The following DOCK6 variants were observed in gnomAD, a reference collection of about 807,000 sequenced individuals.
The protein encoded by DOCK6 is dedicator of cytokinesis protein 6.
Under a neutral mutation model 230.3 loss-of-function variants are expected in DOCK6, and 167 were observed. The ratio of observed to expected loss-of-function variants is 0.73; its 90% CI spans 0.64 to 0.82. DOCK6 has a LOEUF of 0.82. Ranked by LOEUF, DOCK6 falls within the 40% of genes least tolerant of loss-of-function variation. The probability of loss-of-function intolerance (pLI) is 0.00; values close to 1 mark genes in which losing one functional copy is unlikely to be tolerated. For synonymous variants in DOCK6, 1,148 were observed against 1,185.0 expected (o/e 0.97, Z 0.64); for missense variants, 2,598 against 2,825.8 (o/e 0.92, Z 1.83).
At chr19:11,235,429 T>C (rs2147824329) in intron 21 of DOCK6, among the ~76,000 whole-genome samples, 169 bp downstream of exon 21, 1 of 152,248 alleles carries the variant, frequency 6.6e-6, no homozygotes, top group East Asian at 1.9e-4. Context: ...TTTTGTATTT[T>C]TAGTAGAGAC....
At chr19:11,203,081 G>A (rs1014217697) in intron 41 of DOCK6, among the ~76,000 whole-genome samples, 2 of 152,138 alleles carry the variant, frequency 1.3e-5, no homozygotes, top group African/African-American at 4.8e-5. Context: ...TATACAGTAG[G>A]TACCCCATAA....
At chr19:11,242,971 G>A (rs1434255748) in intron 13 of DOCK6, 88 bp downstream of exon 13, 2 of 1,477,450 alleles carry the variant, frequency 1.4e-6, no homozygotes, top group African/African-American at 1.4e-5. Context: ...GGTCTCTGAT[G>A]CCCCTGGCAC....
chr19:11,229,955 G>A (rs1297152163), intron 22 of DOCK6, among the ~76,000 whole-genome samples: 1 of 149,362 alleles, frequency 6.7e-6, no homozygotes, highest in Non-Finnish European at 1.5e-5. Flanking sequence ...AAAGCAGGAG[G>A]ATTGCTTGAC....
rs1269803988 is a variant in DOCK6, at chr19:11,243,837, G to T, written c.1069C>A (p.Pro357Thr). The T allele has an allele frequency of 6.2e-7, 1 of 1,613,032 alleles. No homozygotes were observed. Among genetic ancestry groups the T allele is most frequent in the Non-Finnish European group, 8.5e-7 (1 of 1,179,532 alleles). ...QQGDISECCE[P>T]YMVLKEVDTA... ...TCCACTTCTTTCAACACCATGTAAG[G>T]CTCACAGCACTCACTGATGTCCCCT... The change falls in exon 10 of 48, where the codon CCT (proline) becomes ACT (threonine). Residue 357 changes from proline to threonine, a missense_variant. By Grantham distance (38) the Pro-to-Thr change is conservative (BLOSUM62 -1). Transcript: ENST00000294618. The surrounding 1 kb of genome is among the most constrained non-coding windows in gnomAD (Gnocchi z 6.3).
In DOCK6 at chr19:11,262,518, G is replaced by A; in HGVS notation, c.-78C>T. The A allele has an allele frequency of 1.1e-6, 1 of 918,326 alleles. No individual in the cohort carries two copies. Among genetic ancestry groups the A allele is most frequent in the African/African-American group, 1.8e-5 (1 of 55,630 alleles). The allele number at this position is 918,326 out of a possible 1,614,324, so 56.9% of individuals were successfully genotyped here. ...CGCCTCCCGGTTCTGGGCAGCCGGG[G>A]CGGGGCGGGGCCGGCGCGGGGGCGG... is the stretch of plus-strand genomic sequence containing the variant. On this transcript the variant is annotated 5_prime_UTR_variant, in exon 1 of 48. Transcript: ENST00000294618.
chr19:11,245,534 C>T, intron 9 of DOCK6, 29 bp downstream of exon 9: 1 of 1,544,608 alleles, frequency 6.5e-7, no homozygotes, highest in African/African-American at 1.4e-5. Flanking sequence ...TTCGCCATTA[C>T]CACCCCCTTG....
chr19:11,241,034 C>G (rs2079935290), intron 14 of DOCK6, among the ~76,000 whole-genome samples: 1 of 151,748 alleles, frequency 6.6e-6, no homozygotes, highest in African/African-American at 2.4e-5. Context: ...CACTTAAGGT[C>G]AGGAGTTCGA....
intron 14 of DOCK6, among the ~76,000 whole-genome samples, chr19:11,241,160 C>T (rs968297402): frequency 3.4e-4 from 51 of 151,632 alleles, no homozygotes; most frequent in African/African-American, 1.1e-3. Flanking sequence ...GTAGGAGAAT[C>T]GCTTGAACCT....
intron 7 of DOCK6, 65 bp from the exon 8 acceptor site, chr19:11,245,943 C>G (rs2080026252): frequency 6.5e-7 from 1 of 1,534,660 alleles, no homozygotes; most frequent in Non-Finnish European, 8.8e-7. Flanking sequence ...ACCCCACTCC[C>G]TCTTGAGGCC....
At position 11,262,471 on chromosome 19, in the gene DOCK6, G is replaced by A; in HGVS notation, c.-31C>T. 1.8e-6 allele frequency: 2 copies of A among 1,138,556 alleles called. No individual in the cohort carries two copies. The highest frequency in any genetic ancestry group is 2.2e-6 in the Non-Finnish European group (2 of 929,542). The allele number at this position is 1,138,556 out of a possible 1,614,324, so 70.5% of individuals were successfully genotyped here. On this transcript the variant is annotated 5_prime_UTR_variant, in exon 1 of 48. Coordinates refer to ENST00000294618, the MANE Select transcript of DOCK6 (RefSeq NM_020812.4). ...TCGCGTCCCGCCGCCGCCGCCCCGG[G>A]CCCCGGCCCCGCCGCCGCCGCCGCC...
Position 11,212,043 on chromosome 19 carries a change from T to C in DOCK6, c.4600A>G (p.Thr1534Ala). ...HLRRSLKTIL[T>A]YAEEDMGLRD... ...AGCCCCATGTCCTCCTCAGCATAGG[T>C]GAGGATGGTTTTGAGTGAACGTCGC... The change falls in exon 36 of 48, where the codon ACC becomes GCC. Residue 1534 changes from threonine (T) to alanine (A), a missense_variant. Transcript: ENST00000294618. 6.2e-7 allele frequency: 1 copy of C among 1,609,912 alleles called. No individual in the cohort carries two copies. The highest frequency in any genetic ancestry group is 1.3e-5 in the African/African-American group (1 of 74,848).
At chr19:11,262,298 G>C in intron 1 of DOCK6, 99 bp downstream of exon 1, 1 of 793,794 alleles carries the variant, frequency 1.3e-6, no homozygotes, top group Non-Finnish European at 1.6e-6. Context: ...AGGCGGAAAG[G>C]GGTTGAATTG....
Position 11,201,919 on chromosome 19 carries a change from C to T in DOCK6, c.5658G>A (p.Lys1886=), listed in dbSNP as rs1014330241. 1.3e-6 allele frequency: 2 copies of T among 1,553,066 alleles called. No individual in the cohort carries two copies. The highest frequency in any genetic ancestry group is 1.7e-6 in the Non-Finnish European group (2 of 1,146,798). ...CCCGGTGGCACACACGGATGCGAGTCTTGATGTAGGGGAAGGCGTGGTCGG... is the reference window on the plus strand; with the variant it reads ...CCCGGTGGCACACACGGATGCGAGTTTTGATGTAGGGGAAGGCGTGGTCGG... ...LSTDHAFPYI[K]TRIRVCHREE... Residue 1886 remains lysine, a synonymous_variant, in exon 44 of 48, where the codon AAG becomes AAA. Coordinates refer to ENST00000294618, the MANE Select transcript of DOCK6 (RefSeq NM_020812.4). The surrounding 1 kb of genome is among the most constrained non-coding windows in gnomAD (Gnocchi z 4.3).
intron 9 of DOCK6, among the ~76,000 whole-genome samples, chr19:11,244,341 T>A (rs370793540): frequency 3.3e-5 from 5 of 150,560 alleles, no homozygotes; most frequent in East Asian, 3.9e-4. Flanking sequence ...CAGGCTGAAG[T>A]GCGTGATGGG....
In DOCK6 at chr19:11,200,246, T is replaced by C; in HGVS notation, c.6101+62A>G. On this transcript the variant is annotated intron_variant, in intron 47 of 47. Coordinates refer to ENST00000294618, the MANE Select transcript of DOCK6 (RefSeq NM_020812.4). The surrounding 1 kb of genome is among the most constrained non-coding windows in gnomAD (Gnocchi z 4.3). Reference sequence around the variant, plus strand: ...TGTACAACAGCCCCCATCCTGTACCTGTCCTGGTCTGCCTCTGCATCCCCT... The same window carrying C: ...TGTACAACAGCCCCCATCCTGTACCCGTCCTGGTCTGCCTCTGCATCCCCT... 1 of 1,505,350 alleles carries C rather than the reference T, an allele frequency of 6.6e-7. No homozygotes were observed. Among genetic ancestry groups the C allele is most frequent in the South Asian group, 1.3e-5 (1 of 78,646 alleles). 93.2% of individuals were successfully genotyped at this position (1,505,350 alleles called of 1,614,324 possible).
In DOCK6 at chr19:11,238,285, G is replaced by A. The variant is rs1162335812; in HGVS notation, c.1663C>T (p.Pro555Ser). ...CGGCTGCTGAAGTTGAGGCTGTGCG[G>A]GTACACGTACAGCAGGTTCCTGTGG... is the stretch of plus-strand genomic sequence containing the variant. ...TSYRNLLYVY[P>S]HSLNFSSRQG... is the part of the protein sequence containing the mutation. The change falls in exon 15 of 48, where the codon CCG (proline) becomes TCG (serine). Residue 555 changes from proline (P) to serine (S), a missense_variant. By Grantham distance (74) the Pro-to-Ser change is moderately conservative. Coordinates refer to ENST00000294618, the MANE Select transcript of DOCK6 (RefSeq NM_020812.4). 1.2e-6 allele frequency: 2 copies of A among 1,610,764 alleles called. No homozygotes were observed. The highest frequency in any genetic ancestry group is 1.7e-6 in the Non-Finnish European group (2 of 1,178,678).
At chr19:11,209,455 TCCCCTCACCTGTCCAC>T (rs1003253651) in intron 37 of DOCK6, among the ~76,000 whole-genome samples, 12 of 151,220 alleles carry the variant, frequency 7.9e-5, no homozygotes, top group African/African-American at 2.7e-4. Context: ...CACCTGTCTA[TCCCCTCACCTGTCCAC>T]CCCCTCACCT....
At chr19:11,217,745 G>A (rs1324603499) in intron 28 of DOCK6, among the ~76,000 whole-genome samples, 37 of 139,580 alleles carry the variant, frequency 2.7e-4, no homozygotes, top group East Asian at 1.5e-3. Context: ...GCAACAGAGC[G>A]ACACTCTGTC....
At chr19:11,244,577 C>T (rs2080003848) in intron 9 of DOCK6, among the ~76,000 whole-genome samples, 1 of 151,114 alleles carries the variant, frequency 6.6e-6, no homozygotes, top group South Asian at 2.1e-4. Context: ...TCTCCTGCCT[C>T]AGCCTCCCAA....
Sources: allele counts gnomAD v4.1 joint callset (sites outside exome capture counted in the v4.1 genomes callset), GRCh38; gene constraint gnomAD v4.1.1; non-coding constraint Gnocchi (gnomAD v3.1); transcripts MANE v1.5; gene names NCBI Gene and HGNC (gene_info 2026-07-23, HGNC 2026-07-21).